Variants in ERO1B observed in about 807,000 individuals in gnomAD.
The protein encoded by ERO1B is ERO1-like protein beta.
A neutral mutation model predicts 75.3 loss-of-function variants in ERO1B; 49 were observed. The observed-to-expected ratio is 0.65, with a 90% CI of 0.52 to 0.83. The LOEUF is 0.83. Ranked by LOEUF, ERO1B falls within the 40% of genes least tolerant of loss-of-function variation. The probability of loss-of-function intolerance (pLI) is 0.00; values close to 1 mark genes in which losing one functional copy is unlikely to be tolerated. For synonymous variants in ERO1B, 191 were observed against 192.9 expected, an observed-to-expected ratio of 0.99 and a Z score of 0.08; for missense variants, 512 against 560.1, an observed-to-expected ratio of 0.91 and a Z score of 0.87.
chr1:236,234,751 G>T (rs1390669388), intron 8 of ERO1B, among the ~76,000 whole-genome samples: 1 of 152,130 alleles, frequency 6.6e-6, no homozygotes, highest in East Asian at 1.9e-4. Flanking sequence ...TTTAGATCAG[G>T]AAATCAAATT....
intron 6 of ERO1B, among the ~76,000 whole-genome samples, chr1:236,239,899 A>G (rs1664653413): frequency 1.8e-5 from 2 of 113,756 alleles, no homozygotes; most frequent in Non-Finnish European, 3.6e-5. Flanking sequence ...GTGTATATAT[A>G]TATATATATA....
chr1:236,241,044 A>C (rs1664685115), intron 6 of ERO1B, among the ~76,000 whole-genome samples: 1 of 152,148 alleles, frequency 6.6e-6, no homozygotes, highest in Non-Finnish European at 1.5e-5. Flanking sequence ...ATATTAAATT[A>C]CTAAATTATT....
intron 6 of ERO1B, among the ~76,000 whole-genome samples, chr1:236,241,416 T>C (rs975214945): frequency 2.0e-5 from 3 of 151,816 alleles, no homozygotes; most frequent in Non-Finnish European, 4.4e-5. Context: ...TGCATGGTGG[T>C]GCATGCCTGT....
chr1:236,230,279 C>T (rs769681625), intron 9 of ERO1B, 29 bp from the exon 10 acceptor site: 1 of 1,548,416 alleles, frequency 6.5e-7, no homozygotes, highest in Non-Finnish European at 8.9e-7. Flanking sequence ...TGGATTAAAA[C>T]ATTATATGGT....
chr1:236,231,824 A>G (rs941239), intron 9 of ERO1B, among the ~76,000 whole-genome samples: 36,771 of 152,028 alleles, frequency 0.24, 4,688 homozygotes, highest in East Asian at 0.38. Context: ...ATTTATCATT[A>G]TATCACTTGT....
At chr1:236,249,479 G>T (rs1322172048) in intron 5 of ERO1B, among the ~76,000 whole-genome samples, 2 of 152,040 alleles carry the variant, frequency 1.3e-5, no homozygotes, top group East Asian at 3.9e-4. Flanking sequence ...ATAAGGAAAA[G>T]TTAACAGAAA....
intron 10 of ERO1B, among the ~76,000 whole-genome samples, chr1:236,229,316 T>C (rs916259321): frequency 5.3e-5 from 8 of 151,822 alleles, no homozygotes; most frequent in African/African-American, 1.9e-4. Flanking sequence ...TCCCAGCTAT[T>C]TGGGAGGCTG....
chr1:236,252,201 T>C (rs970182927), intron 3 of ERO1B, 110 bp from the exon 4 acceptor site: 20 of 704,172 alleles, frequency 2.8e-5, no homozygotes, highest in Non-Finnish European at 4.8e-5. Flanking sequence ...TTTTACTCTA[T>C]GAGGGGCAAA....
intron 1 of ERO1B, among the ~76,000 whole-genome samples, chr1:236,277,265 G>A (rs529742898): frequency 5.1e-4 from 78 of 152,152 alleles, no homozygotes; most frequent in African/African-American, 1.8e-3. Flanking sequence ...TTAGCTGGGC[G>A]TTGTGGCAGG....
intron 8 of ERO1B, among the ~76,000 whole-genome samples, chr1:236,233,182 A>G (rs1664455619): frequency 6.6e-6 from 1 of 151,784 alleles, no homozygotes; most frequent in Admixed American, 6.6e-5. Context: ...GGTGGCATGT[A>G]CCTGTAATCC....
intron 1 of ERO1B, among the ~76,000 whole-genome samples, chr1:236,281,304 C>T (rs767115241): frequency 6.6e-6 from 1 of 152,150 alleles, no homozygotes; most frequent in Non-Finnish European, 1.5e-5. Context: ...AAGGGAAGGA[C>T]GTCACCGTTT....
At chr1:236,230,099 A>ATT (rs200114830) in intron 10 of ERO1B, 125 bp downstream of exon 10, 13 of 710,586 alleles carry the variant, frequency 1.8e-5, no homozygotes, top group African/African-American at 3.8e-5. Context: ...CCTAAAACAC[A>ATT]TTTTTTTTTT....
At chr1:236,256,884 C>T (rs1300646566) in intron 2 of ERO1B, among the ~76,000 whole-genome samples, 1 of 148,620 alleles carries the variant, frequency 6.7e-6, no homozygotes, top group Non-Finnish European at 1.5e-5. Context: ...TTTAAACTTG[C>T]AAATAAATAT....
chr1:236,273,928 C>G (rs1055771577), intron 1 of ERO1B, among the ~76,000 whole-genome samples: 38 of 150,752 alleles, frequency 2.5e-4, no homozygotes, highest in African/African-American at 9.3e-4. Flanking sequence ...ACAGTTTTAC[C>G]AATTTATCAG....
intron 2 of ERO1B, among the ~76,000 whole-genome samples, chr1:236,264,913 C>T (rs558664779): frequency 2.6e-5 from 4 of 152,118 alleles, no homozygotes; most frequent in African/African-American, 4.8e-5. Context: ...GCACACTATC[C>T]GGGCGATGGT....
At chr1:236,274,751 A>G (rs1665672885) in intron 1 of ERO1B, among the ~76,000 whole-genome samples, 1 of 137,724 alleles carries the variant, frequency 7.3e-6, no homozygotes, top group Non-Finnish European at 1.7e-5. Context: ...GAAGAAAAAA[A>G]AAAGACAGAC....
At chr1:236,222,971 C>A (rs900686523) in intron 13 of ERO1B, among the ~76,000 whole-genome samples, 1 of 151,884 alleles carries the variant, frequency 6.6e-6, no homozygotes, top group Admixed American at 6.6e-5. Flanking sequence ...TTTGGGAGAC[C>A]AAGGTGTGAT....
In ERO1B at chr1:236,216,132, A is replaced by G. The variant is rs766480112; in HGVS notation, c.*2384T>C. ...TGCCACTTAAGTAAAAAATAAACTTACGCCATTGAAGGAAGGAATATTTTC... is the reference window on the plus strand; with the variant it reads ...TGCCACTTAAGTAAAAAATAAACTTGCGCCATTGAAGGAAGGAATATTTTC... On this transcript the variant is annotated 3_prime_UTR_variant, in exon 16 of 16. Transcript: ENST00000354619. 1 of 152,174 alleles carries G rather than the reference A, an allele frequency of 6.6e-6. No individual in the cohort carries two copies. Among genetic ancestry groups the G allele is most frequent in the Non-Finnish European group, 1.5e-5 (1 of 68,004 alleles). The allele number at this position is 152,174 out of a possible 1,614,324, so 9.4% of individuals were successfully genotyped here.
At chr1:236,261,514 C>CA (rs1665294055) in intron 2 of ERO1B, among the ~76,000 whole-genome samples, 3 of 152,116 alleles carry the variant, frequency 2.0e-5, no homozygotes, top group African/African-American at 7.2e-5. Flanking sequence ...TAACAATGAA[C>CA]AATCCCCCCC....
Sources: allele counts gnomAD v4.1 joint callset (sites outside exome capture counted in the v4.1 genomes callset), GRCh38; gene constraint gnomAD v4.1.1; transcripts MANE v1.5; gene names NCBI Gene and HGNC (gene_info 2026-07-23, HGNC 2026-07-21).